The following VRK2 variants were observed in gnomAD, a reference collection of about 807,000 sequenced individuals.
VRK2 encodes VRK serine/threonine kinase 2.
In VRK2, 60 loss-of-function variants were observed where a neutral mutation model predicts 57.6. The observed-to-expected ratio is 1.04, with a 90% confidence interval of 0.85 to 1.29. VRK2 has a LOEUF of 1.29. Among genes scored for constraint, VRK2 ranks in the 50% most tolerant of loss-of-function variants. The pLI, the probability that VRK2 is intolerant of heterozygous loss-of-function variation, is 0.00. For synonymous variants in VRK2, 231 were observed against 199.2 expected (o/e 1.16, Z -1.35); for missense variants, 705 against 588.1 (o/e 1.20, Z -2.06).
intron 1 of VRK2, among the ~76,000 whole-genome samples, chr2:57,919,811 A>C (rs1670279516): frequency 6.6e-6 from 1 of 152,060 alleles, no homozygotes; most frequent in South Asian, 2.1e-4. Context: ...TAATCAACCG[A>C]AGTCAGTAAT....
intron 10 of VRK2, among the ~76,000 whole-genome samples, chr2:58,136,957 GTATA>G (rs929724086): frequency 2.3e-5 from 3 of 127,860 alleles, no homozygotes; most frequent in East Asian, 2.1e-4. Flanking sequence ...TCATATATGT[GTATA>G]TATATCATAT....
In VRK2 at chr2:58,089,629, A is replaced by G. The variant is rs774597902; in HGVS notation, c.451-2A>G. ...CCTTATTTTATCTATTTATTTTCACAGTTGGATGTACTGGAATATATACAT... is the reference window on the plus strand; with the variant it reads ...CCTTATTTTATCTATTTATTTTCACGGTTGGATGTACTGGAATATATACAT... On this transcript the variant is annotated splice_acceptor_variant, in intron 6 of 12. Transcript: ENST00000340157. LOFTEE classifies it high-confidence loss of function. 3.2e-6 allele frequency: 5 copies of G among 1,562,956 alleles called. 1 individual carries two copies. In the South Asian group the frequency reaches 4.7e-5, roughly 15 times the overall value.
chr2:58,070,346 A>C (rs1299085244), intron 2 of VRK2, among the ~76,000 whole-genome samples: 1 of 152,066 alleles, frequency 6.6e-6, no homozygotes, highest in East Asian at 1.9e-4. Context: ...CACTGTGCCC[A>C]GGTTTTATGT....
chr2:58,072,835 TTTC>T (rs1396431608), intron 2 of VRK2, among the ~76,000 whole-genome samples: 1 of 152,026 alleles, frequency 6.6e-6, no homozygotes, highest in African/African-American at 2.4e-5. Context: ...ATTGGTATTA[TTTC>T]TTCTTTAAAT....
At chr2:57,943,707 C>T (rs1005804464) in intron 1 of VRK2, among the ~76,000 whole-genome samples, 4 of 152,132 alleles carry the variant, frequency 2.6e-5, no homozygotes, top group African/African-American at 9.7e-5. Flanking sequence ...AAGGAGCAGA[C>T]TTTTTTCCTT....
chr2:58,055,511 G>A (rs1356033407), intron 2 of VRK2, among the ~76,000 whole-genome samples: 1 of 150,648 alleles, frequency 6.6e-6, no homozygotes, highest in Non-Finnish European at 1.5e-5. Flanking sequence ...GGAAGAGAAA[G>A]TATTGTAATG....
intron 1 of VRK2, among the ~76,000 whole-genome samples, chr2:58,000,409 T>C (rs1014476971): frequency 6.6e-6 from 1 of 152,224 alleles, no homozygotes; most frequent in Admixed American, 6.5e-5. Context: ...TCAGGCAAGA[T>C]GCCTATCTTC....
chr2:58,020,490 G>A (rs1673721667), intron 1 of VRK2, among the ~76,000 whole-genome samples: 1 of 152,222 alleles, frequency 6.6e-6, no homozygotes, highest in Admixed American at 6.5e-5. Flanking sequence ...CAGGTGCAAA[G>A]CACCATGCCC....
In VRK2 at chr2:58,159,799, G is replaced by A; in HGVS notation, c.*106G>A. On this transcript the variant is annotated 3_prime_UTR_variant, in exon 13 of 13. Coordinates refer to ENST00000340157, the MANE Select transcript of VRK2 (RefSeq NM_006296.7). The stretch of plus-strand genomic sequence containing the variant: ...CCTTCCAGACATTTTTAAGGTAATT[G>A]GCTTTAAAAAGAGAACATATTTTAA... 1 of 1,610,106 alleles carries A rather than the reference G, an allele frequency of 6.2e-7. No individual in the cohort carries two copies. The highest frequency in any genetic ancestry group is 1.1e-5 in the South Asian group (1 of 90,926).
In VRK2 at chr2:58,123,127, C is replaced by T; in HGVS notation, c.570C>T (p.Ser190=). 1.9e-6 allele frequency: 3 copies of T among 1,599,820 alleles called. No individual in the cohort carries two copies. The highest frequency in any genetic ancestry group is 2.6e-6 in the Non-Finnish European group (3 of 1,175,848). Residue 190 remains serine (S), a synonymous_variant, in exon 8 of 13, where the codon TCC becomes TCT. Transcript: ENST00000340157. ...TTTATCTTGCAGATTATGGACTTTC[C>T]TACAGATATTGTCCCAATGGGAACC... ...DQVYLADYGL[S]YRYCPNGNHK...
intron 2 of VRK2, among the ~76,000 whole-genome samples, chr2:58,060,318 A>C (rs979135990): frequency 1.3e-5 from 2 of 151,944 alleles, no homozygotes; most frequent in Non-Finnish European, 2.9e-5. Context: ...GAAATTAACT[A>C]GTTTAATGTA....
intron 1 of VRK2, among the ~76,000 whole-genome samples, chr2:57,931,547 A>G (rs1469406833): frequency 6.6e-6 from 1 of 152,136 alleles, no homozygotes; most frequent in Non-Finnish European, 1.5e-5. Flanking sequence ...GTTTGCAAAT[A>G]TATTATCTCA....
At chr2:58,140,435 C>T (rs1484413098) in intron 11 of VRK2, among the ~76,000 whole-genome samples, 1 of 151,904 alleles carries the variant, frequency 6.6e-6, no homozygotes, top group African/African-American at 2.4e-5. Context: ...TCTTAGACTG[C>T]CGTTATTAGC....
chr2:57,957,532 A>G (rs1671623488), intron 1 of VRK2, among the ~76,000 whole-genome samples: 1 of 150,348 alleles, frequency 6.7e-6, no homozygotes, highest in Non-Finnish European at 1.5e-5. Context: ...CATTTTCAAA[A>G]CATTTATTTT....
intron 1 of VRK2, among the ~76,000 whole-genome samples, chr2:57,963,738 TTA>T (rs1671828219): frequency 6.6e-6 from 1 of 152,324 alleles, no homozygotes; most frequent in South Asian, 2.1e-4. Context: ...ATAAGCATTT[TTA>T]TAGTTTCTTT....
intron 1 of VRK2, among the ~76,000 whole-genome samples, chr2:58,001,247 T>G (rs903860215): frequency 1.1e-4 from 16 of 152,236 alleles, no homozygotes; most frequent in African/African-American, 3.9e-4. Context: ...AAAGTGTACC[T>G]AATCATTCCT....
At chr2:57,965,737 C>T (rs189232978) in intron 1 of VRK2, among the ~76,000 whole-genome samples, 140 of 152,232 alleles carry the variant, frequency 9.2e-4, no homozygotes, top group Admixed American at 2.9e-3. Context: ...CAGCTTATGA[C>T]AACATCCATT....
Position 58,146,400 on chromosome 2 carries a change from G to A in VRK2, c.1108G>A (p.Ala370Thr), listed in dbSNP as rs201050311. ...IEKKVHSERS[A>T]ESCATWKVQK... ...AAAAAAAGTCCACAGTGAGAGAAGC[G>A]CTGAGTCCTGTGCAACATGGAAAGT... The change falls in exon 12 of 13, where the codon GCT (alanine) becomes ACT (threonine). Residue 370 changes from alanine to threonine, a missense_variant. Coordinates refer to ENST00000340157, the MANE Select transcript of VRK2 (RefSeq NM_006296.7). The A allele has an allele frequency of 1.8e-4, 296 of 1,611,604 alleles. No homozygotes were observed. The highest frequency in any genetic ancestry group is 2.1e-4 in the South Asian group (19 of 91,018).
chr2:58,148,920 T>G (rs1457760643), intron 12 of VRK2, among the ~76,000 whole-genome samples: 1 of 151,830 alleles, frequency 6.6e-6, no homozygotes, highest in African/African-American at 2.4e-5. Flanking sequence ...AGTTCTGAAA[T>G]TAGAATAGTT....
Sources: allele counts gnomAD v4.1 joint callset (sites outside exome capture counted in the v4.1 genomes callset), GRCh38; gene constraint gnomAD v4.1.1; transcripts MANE v1.5; gene names NCBI Gene and HGNC (gene_info 2026-07-23, HGNC 2026-07-21).